Variants in ARMH4 observed in about 807,000 individuals in gnomAD.
ARMH4 encodes the protein armadillo-like helical domain-containing protein 4.
Under a neutral mutation model 61.9 loss-of-function variants are expected in ARMH4, and 49 were observed. The observed-to-expected ratio is 0.79, with a 90% CI of 0.63 to 1.00. The LOEUF is 1.00. Among genes scored for constraint, ARMH4 ranks in the 50% least tolerant of loss-of-function variants. The probability of loss-of-function intolerance (pLI) is 0.00; values close to 1 mark genes in which losing one functional copy is unlikely to be tolerated. For synonymous variants in ARMH4, 368 were observed against 341.5 expected, an observed-to-expected ratio of 1.08 and a Z score of -0.85; for missense variants, 934 against 930.0, an observed-to-expected ratio of 1.00 and a Z score of -0.06.
chr14:58,102,070 C>T (rs1373336195), intron 4 of ARMH4, among the ~76,000 whole-genome samples: 1 of 152,142 alleles, frequency 6.6e-6, no homozygotes, highest in Non-Finnish European at 1.5e-5. Flanking sequence ...TCACTGGGAG[C>T]TCACCTCAAG....
chr14:58,139,513 T>C lies in ARMH4; in HGVS notation c.-56-99A>G. ...AAGTAAAATAATCTCCTTGACTTTA[T>C]AATACACAGAGATGGTAGGTAGGAG... On this transcript the variant is annotated intron_variant, in intron 1 of 7. Coordinates refer to ENST00000267485, the MANE Select transcript of ARMH4 (RefSeq NM_001001872.4). 7.2e-6 allele frequency: 5 copies of C among 695,926 alleles called. No individual in the cohort carries two copies. In the Middle Eastern group the frequency reaches 1.3e-3, roughly 182 times the overall value. 43.1% of individuals were successfully genotyped at this position (695,926 alleles called of 1,614,324 possible).
intron 1 of ARMH4, among the ~76,000 whole-genome samples, chr14:58,145,321 C>G (rs867699777): frequency 6.6e-6 from 1 of 152,200 alleles, no homozygotes. Flanking sequence ...ATTCAAATCC[C>G]TTCTTCATCC....
intron 5 of ARMH4, among the ~76,000 whole-genome samples, chr14:58,064,524 T>G (rs1213254702): frequency 1.3e-5 from 2 of 152,194 alleles, no homozygotes; most frequent in Non-Finnish European, 2.9e-5. Flanking sequence ...AAGACTACAC[T>G]TATTCCAATA....
intron 4 of ARMH4, among the ~76,000 whole-genome samples, chr14:58,098,880 G>T (rs1885853110): frequency 6.6e-6 from 1 of 152,064 alleles, no homozygotes; most frequent in East Asian, 1.9e-4. Context: ...GTGGAGAACA[G>T]GCTATATCAA....
chr14:58,018,967 C>T (rs976166405), intron 5 of ARMH4, among the ~76,000 whole-genome samples: 1 of 152,114 alleles, frequency 6.6e-6, no homozygotes, highest in Non-Finnish European at 1.5e-5. Context: ...TTATCATTTG[C>T]AGCAACATGG....
At chr14:58,075,079 T>C (rs1161267205) in intron 5 of ARMH4, among the ~76,000 whole-genome samples, 1 of 152,162 alleles carries the variant, frequency 6.6e-6, no homozygotes. Context: ...AGAATGGCGA[T>C]CATTAAAAAG....
intron 5 of ARMH4, among the ~76,000 whole-genome samples, chr14:58,070,433 A>C (rs1258575781): frequency 6.6e-6 from 1 of 152,202 alleles, no homozygotes; most frequent in Non-Finnish European, 1.5e-5. Context: ...GAGTCACCCA[A>C]GACCACACCA....
chr14:58,110,421 A>G (rs1188806843), intron 4 of ARMH4, among the ~76,000 whole-genome samples: 1 of 152,172 alleles, frequency 6.6e-6, no homozygotes. Context: ...CAATAACAGA[A>G]ACTTTTTTAT....
At chr14:58,019,132 T>G (rs1882721649) in intron 5 of ARMH4, among the ~76,000 whole-genome samples, 2 of 152,104 alleles carry the variant, frequency 1.3e-5, no homozygotes, top group African/African-American at 4.8e-5. Context: ...GTTGGAGAGA[T>G]ATTAGTCAAA....
chr14:58,039,175 AGAACT>A (rs1414539027), intron 5 of ARMH4, among the ~76,000 whole-genome samples: 8 of 152,210 alleles, frequency 5.3e-5, no homozygotes, highest in African/African-American at 1.9e-4. Flanking sequence ...AAACATTCTC[AGAACT>A]GAACTATCAT....
chr14:58,057,750 T>C (rs1282314821), intron 5 of ARMH4, among the ~76,000 whole-genome samples: 2 of 152,194 alleles, frequency 1.3e-5, no homozygotes, highest in Admixed American at 6.5e-5. Flanking sequence ...AGAGTAAAAG[T>C]GTTACCTGAA....
At chr14:58,054,961 A>G (rs1464940532) in intron 5 of ARMH4, among the ~76,000 whole-genome samples, 1 of 152,046 alleles carries the variant, frequency 6.6e-6, no homozygotes, top group East Asian at 1.9e-4. Flanking sequence ...AGGGCAACCA[A>G]ATATGCTCAT....
intron 5 of ARMH4, among the ~76,000 whole-genome samples, chr14:58,031,414 T>A (rs927613165): frequency 6.6e-6 from 1 of 152,196 alleles, no homozygotes; most frequent in Non-Finnish European, 1.5e-5. Flanking sequence ...TTTGTTTAAT[T>A]GGCAATATAA....
intron 4 of ARMH4, among the ~76,000 whole-genome samples, chr14:58,105,747 G>A (rs544510675): frequency 6.6e-6 from 1 of 151,648 alleles, no homozygotes; most frequent in African/African-American, 2.4e-5. Context: ...ACTATGCATA[G>A]TAGAAACATG....
intron 4 of ARMH4, among the ~76,000 whole-genome samples, chr14:58,117,006 C>T (rs1465895866): frequency 6.6e-6 from 1 of 152,200 alleles, no homozygotes; most frequent in African/African-American, 2.4e-5. Context: ...GGCTGGAGTA[C>T]AGCAGCACAA....
chr14:58,139,072 G>A lies in ARMH4; in HGVS notation c.287C>T (p.Thr96Ile), dbSNP rs3829765. Reference protein sequence around the residue: ...LNKAFSINKETQPGQAGLMQT... With the variant: ...LNKAFSINKEIQPGQAGLMQT... The stretch of plus-strand genomic sequence containing the variant: ...CATGAGCCCAGCTTGTCCAGGCTGG[G>A]TTTCTTTGTTAATCGAGAATGCTTT... The change falls in exon 2 of 8, where the codon ACC becomes ATC. Residue 96 changes from threonine (T) to isoleucine (I), a missense_variant. Transcript: ENST00000267485. The A allele has an allele frequency of 0.5, 807,730 of 1,613,916 alleles. 209,316 individuals are homozygous for A. The highest frequency in any genetic ancestry group is 0.54 in the Non-Finnish European group (641,778 of 1,179,954).
chr14:58,080,894 G>A (rs566858932), intron 5 of ARMH4, among the ~76,000 whole-genome samples: 1 of 152,084 alleles, frequency 6.6e-6, no homozygotes. Flanking sequence ...TTGAGGCCAG[G>A]AGTTTAAGAC....
chr14:58,146,243 T>C (rs1023812393), intron 1 of ARMH4, among the ~76,000 whole-genome samples: 3 of 152,216 alleles, frequency 2.0e-5, no homozygotes, highest in Admixed American at 6.5e-5. Context: ...AGAGATTCCA[T>C]TGCATATTAG....
At chr14:58,140,338 T>C (rs762248184) in intron 1 of ARMH4, among the ~76,000 whole-genome samples, 6 of 149,478 alleles carry the variant, frequency 4.0e-5, no homozygotes, top group Non-Finnish European at 7.4e-5. Flanking sequence ...CCCAGCACTT[T>C]AGGAGGCCGA....
Sources: allele counts gnomAD v4.1 joint callset (sites outside exome capture counted in the v4.1 genomes callset), GRCh38; gene constraint gnomAD v4.1.1; transcripts MANE v1.5; gene names NCBI Gene and HGNC (gene_info 2026-07-23, HGNC 2026-07-21).